The following BIRC6 variants were observed in gnomAD, a reference collection of about 807,000 sequenced individuals.
BIRC6 encodes dual E2 ubiquitin-conjugating enzyme/E3 ubiquitin-protein ligase BIRC6.
BIRC6 carries 98 observed loss-of-function variants against 503.3 expected under a neutral mutation model. That is an observed-to-expected ratio of 0.19 (90% CI 0.17 to 0.23). The LOEUF is 0.23. BIRC6 is among the 10% of genes least tolerant of loss of function. The pLI, the probability that BIRC6 is intolerant of heterozygous loss-of-function variation, is 1.00. For synonymous variants in BIRC6, 2,240 were observed against 2,078.7 expected, an observed-to-expected ratio of 1.08 and a Z score of -2.11; for missense variants, 5,360 against 5,806.0, an observed-to-expected ratio of 0.92 and a Z score of 2.50.
chr2:32,614,814 G>A (rs1431551427), intron 73 of BIRC6, among the ~76,000 whole-genome samples: 2 of 152,166 alleles, frequency 1.3e-5, no homozygotes, highest in Non-Finnish European at 1.5e-5. Flanking sequence ...CCTGGGCAAC[G>A]AGTGTAAAAT....
chr2:32,413,596 G>A (rs1310752425), intron 9 of BIRC6, among the ~76,000 whole-genome samples: 1 of 151,814 alleles, frequency 6.6e-6, no homozygotes, highest in Non-Finnish European at 1.5e-5. Flanking sequence ...TAGGATGACA[G>A]ATGTGAGCCA....
intron 14 of BIRC6, 62 bp downstream of exon 14, chr2:32,435,647 A>T: frequency 6.9e-7 from 1 of 1,459,248 alleles, no homozygotes; most frequent in African/African-American, 1.4e-5. Context: ...TGAATGCAAC[A>T]TGTCGGGCAA....
At chr2:32,507,751 CTGTT>C (rs943861892) in intron 50 of BIRC6, among the ~76,000 whole-genome samples, 1 of 152,060 alleles carries the variant, frequency 6.6e-6, no homozygotes, top group African/African-American at 2.4e-5. Context: ...GAATATTAGA[CTGTT>C]TAAGTATAAT....
At position 32,392,207 on chromosome 2, in the gene BIRC6, A is replaced by G. The variant is rs564405268; in HGVS notation, c.951+57A>G. 13 of 1,187,418 alleles carry G rather than the reference A, an allele frequency of 1.1e-5. 1 individual carries two copies. The highest frequency in any genetic ancestry group is 6.2e-5 in the African/African-American group (4 of 64,514). The allele number at this position is 1,187,418 out of a possible 1,614,324, so 73.6% of individuals were successfully genotyped here. A position where few individuals can be genotyped will look rare whatever the true frequency, so the allele number is the denominator to read the frequency against. Reference sequence around the variant, plus strand: ...CAGTAGGCCTTTGTAGCCCTCAGCAAAATTATCACATTTTTTTAACTTTTT... The same window carrying G: ...CAGTAGGCCTTTGTAGCCCTCAGCAGAATTATCACATTTTTTTAACTTTTT... On this transcript the variant is annotated intron_variant, in intron 5 of 73. Coordinates refer to ENST00000421745, the MANE Select transcript of BIRC6 (RefSeq NM_016252.4).
intron 23 of BIRC6, among the ~76,000 whole-genome samples, chr2:32,455,652 T>C (rs1025284105): frequency 9.2e-5 from 14 of 152,172 alleles, no homozygotes; most frequent in African/African-American, 3.1e-4. Flanking sequence ...TTAAGTATCC[T>C]GGATTTTTAT....
At chr2:32,391,966 T>G (rs1573882111) in intron 4 of BIRC6, 73 bp from the exon 5 acceptor site, 2 of 1,001,998 alleles carry the variant, frequency 2.0e-6, no homozygotes, top group African/African-American at 3.3e-5. Flanking sequence ...AAATTATTTT[T>G]TGCATTGTTA....
intron 59 of BIRC6, 196 bp from the exon 60 acceptor site, chr2:32,529,455 A>G (rs2149985318): frequency 4.2e-6 from 2 of 476,016 alleles, no homozygotes; most frequent in East Asian, 3.5e-5. Context: ...TTTCACAGAC[A>G]TTATTGTTCA....
chr2:32,430,252 C>T (rs2043949158), intron 11 of BIRC6, among the ~76,000 whole-genome samples: 2 of 151,968 alleles, frequency 1.3e-5, no homozygotes, highest in Admixed American at 6.6e-5. Context: ...TTATACATTT[C>T]ACTGATGTGA....
intron 66 of BIRC6, among the ~76,000 whole-genome samples, chr2:32,580,203 C>T (rs1346086666): frequency 6.6e-6 from 1 of 152,132 alleles, no homozygotes; most frequent in Non-Finnish European, 1.5e-5. Flanking sequence ...ATCCGCCCGC[C>T]TCAGCCTCCC....
chr2:32,513,035 G>T lies in BIRC6; in HGVS notation c.10449G>T (p.Glu3483Asp). Residue 3483 changes from glutamate (E) to aspartate (D), a missense_variant, in exon 54 of 74, where the codon GAG (glutamate) becomes GAT (aspartate). Physicochemically the swap from Glu to Asp is conservative, Grantham distance 45. Coordinates refer to ENST00000421745, the MANE Select transcript of BIRC6 (RefSeq NM_016252.4). ...TGTGTCCTAACTCCTCAACAGTAGA[G>T]TATGGTCTTCTGATGCCATCTCCTT... ...NYMCPNSSTV[E>D]YGLLMPSPSH... 5.6e-6 allele frequency: 9 copies of T among 1,613,908 alleles called. No homozygotes were observed. Among genetic ancestry groups the T allele is most frequent in the Non-Finnish European group, 7.6e-6 (9 of 1,179,828 alleles).
chr2:32,590,977 A>T (rs2151343834), intron 66 of BIRC6: 1 of 985,866 alleles, frequency 1.0e-6, no homozygotes, highest in East Asian at 1.1e-4. Flanking sequence ...ATGTGAGCTA[A>T]GGTATGGCCT....
At chr2:32,592,793 C>T (rs1158774360) in intron 66 of BIRC6, among the ~76,000 whole-genome samples, 1 of 151,844 alleles carries the variant, frequency 6.6e-6, no homozygotes, top group Non-Finnish European at 1.5e-5. Context: ...TGGGGTTTCT[C>T]CATGTTGTTC....
At chr2:32,366,056 C>G (rs1010207937) in intron 1 of BIRC6, among the ~76,000 whole-genome samples, 1 of 151,644 alleles carries the variant, frequency 6.6e-6, no homozygotes, top group Non-Finnish European at 1.5e-5. Context: ...AGGTAATTTT[C>G]GTCTTTTTAC....
At chr2:32,514,669 T>G (rs1351365641) in intron 54 of BIRC6, among the ~76,000 whole-genome samples, 5 of 152,174 alleles carry the variant, frequency 3.3e-5, no homozygotes, top group Non-Finnish European at 7.4e-5. Flanking sequence ...TTGGCATGAT[T>G]TTTTTGTTTG....
chr2:32,612,267 C>A (rs1403998316), intron 73 of BIRC6, among the ~76,000 whole-genome samples: 1 of 152,140 alleles, frequency 6.6e-6, no homozygotes, highest in East Asian at 1.9e-4. Flanking sequence ...GCAGATTCTC[C>A]CTCAGCTGAT....
intron 65 of BIRC6, among the ~76,000 whole-genome samples, chr2:32,551,289 A>G (rs2058402141): frequency 6.6e-6 from 1 of 151,984 alleles, no homozygotes; most frequent in Non-Finnish European, 1.5e-5. Flanking sequence ...AGTGGCTACT[A>G]TTTATTTATT....
chr2:32,421,273 A>T (rs1024214355), intron 10 of BIRC6, among the ~76,000 whole-genome samples: 1 of 151,486 alleles, frequency 6.6e-6, no homozygotes, highest in African/African-American at 2.4e-5. Context: ...CGCCCAGCTA[A>T]TTTTTGTATT....
At chr2:32,615,614 CTAT>C (rs954263925) in intron 73 of BIRC6, among the ~76,000 whole-genome samples, 27 of 151,982 alleles carry the variant, frequency 1.8e-4, no homozygotes, top group African/African-American at 5.8e-4. Flanking sequence ...GCTGTTGACA[CTAT>C]TTAGTTTTTA....
At chr2:32,389,134 T>G (rs2038889030) in intron 4 of BIRC6, among the ~76,000 whole-genome samples, 191 bp downstream of exon 4, 1 of 152,216 alleles carries the variant, frequency 6.6e-6, no homozygotes, top group South Asian at 2.1e-4. Flanking sequence ...CTACTTGAAT[T>G]GCTATTTTTA....
Sources: gnomAD v4.1 joint callset for allele counts (sites outside exome capture counted in the v4.1 genomes callset) on GRCh38, gnomAD v4.1.1 for gene constraint, MANE v1.5 for transcripts, NCBI Gene and HGNC (gene_info 2026-07-23, HGNC 2026-07-21) for gene names.